RALGAPA1: variants seen among roughly 807,000 people sequenced by gnomAD.
RALGAPA1 encodes ral GTPase-activating protein subunit alpha-1.
A neutral mutation model predicts 269.6 loss-of-function variants in RALGAPA1; 52 were observed. That is an observed-to-expected ratio of 0.19 (90% CI 0.15 to 0.24). The LOEUF is 0.24. Ranked by LOEUF, RALGAPA1 falls within the 10% of genes least tolerant of loss-of-function variation. The pLI, the probability that RALGAPA1 is intolerant of heterozygous loss-of-function variation, is 1.00. For synonymous variants in RALGAPA1, 817 were observed against 1,008.3 expected, an observed-to-expected ratio of 0.81 and a Z score of 3.60; for missense variants, 1,917 against 3,013.9, an observed-to-expected ratio of 0.64 and a Z score of 8.52.
chr14:35,686,495 T>C (rs571874655), intron 19 of RALGAPA1, 47 bp downstream of exon 19: 3 of 1,525,578 alleles, frequency 2.0e-6, no homozygotes, highest in African/African-American at 1.4e-5. Flanking sequence ...TATCTGTTAG[T>C]TTTTCTACCC....
chr14:35,767,596 G>A (rs1012811270), intron 4 of RALGAPA1, among the ~76,000 whole-genome samples: 1 of 152,112 alleles, frequency 6.6e-6, no homozygotes. Context: ...GCTGAGGCAG[G>A]AGAATTGCTT....
chr14:35,738,362 TA>T, intron 12 of RALGAPA1, 150 bp downstream of exon 12: 1 of 405,764 alleles, frequency 2.5e-6, no homozygotes, highest in Non-Finnish European at 4.2e-6. Context: ...ATATATATAT[TA>T]AGTGATGAAA....
intron 1 of RALGAPA1, among the ~76,000 whole-genome samples, chr14:35,801,510 C>G (rs2076978507): frequency 1.3e-5 from 2 of 152,158 alleles, no homozygotes; most frequent in Non-Finnish European, 2.9e-5. Flanking sequence ...TCTAGTGATC[C>G]ACCCGCCTTG....
chr14:35,731,292 G>T (rs1223256087), intron 12 of RALGAPA1, among the ~76,000 whole-genome samples: 1 of 152,130 alleles, frequency 6.6e-6, no homozygotes, highest in Non-Finnish European at 1.5e-5. Context: ...GAAGGAACCA[G>T]AAAACCAACT....
At position 35,748,766 on chromosome 14, in the gene RALGAPA1, G is replaced by C. The variant is rs755230614; in HGVS notation, c.1070C>G (p.Thr357Arg). Residue 357 changes from threonine to arginine, a missense_variant, in exon 10 of 42, where the codon ACA (threonine) becomes AGA (arginine). This residue lies in a region of RALGAPA1 where 462 missense variants were observed against 725.6 expected (regional missense o/e 0.64). Coordinates refer to ENST00000680220, the MANE Select transcript of RALGAPA1 (RefSeq NM_001346249.2). ...EESKNDNADK[T>R]DRTTEPEQSH... ...CTGTTCGGGTTCTGTAGTTCTGTCT[G>C]TTTTATCAGCATTATCATTTTTGCT... 1.1e-5 allele frequency: 17 copies of C among 1,600,446 alleles called. No homozygotes were observed. Among genetic ancestry groups the C allele is most frequent in the Non-Finnish European group, 1.4e-5 (16 of 1,175,376 alleles).
intron 21 of RALGAPA1, among the ~76,000 whole-genome samples, chr14:35,680,906 G>A (rs1271723282): frequency 2.6e-5 from 4 of 152,188 alleles, no homozygotes; most frequent in African/African-American, 4.8e-5. Context: ...GAGCCACCAC[G>A]CCCGGCCTAT....
intron 7 of RALGAPA1, among the ~76,000 whole-genome samples, chr14:35,753,109 A>C (rs573398668): frequency 6.6e-6 from 1 of 152,194 alleles, no homozygotes; most frequent in Non-Finnish European, 1.5e-5. Flanking sequence ...AGAGTGGACA[A>C]GGAAGGTACG....
chr14:35,714,095 A>G, intron 16 of RALGAPA1, among the ~76,000 whole-genome samples: 1 of 143,430 alleles, frequency 7.0e-6, no homozygotes. Flanking sequence ...ACTCCGTCTA[A>G]AAAAAAAAAA....
intron 39 of RALGAPA1, among the ~76,000 whole-genome samples, chr14:35,570,149 A>T (rs1362067673): frequency 6.6e-6 from 1 of 152,060 alleles, no homozygotes; most frequent in Non-Finnish European, 1.5e-5. Flanking sequence ...GGATGCCTGT[A>T]ATCCCAGCTA....
In RALGAPA1 at chr14:35,728,550, T is replaced by C. The variant is rs754674871; in HGVS notation, c.1588-40A>G. The C allele has an allele frequency of 3.9e-6, 6 of 1,537,272 alleles. No homozygotes were observed. In the African/African-American group the frequency reaches 8.3e-5, roughly 21 times the overall value. ...ATCATTAGCTATTCACAAAGGAATTTCAATGGCAAATTTCTTATTCAAAGA... is the reference window on the plus strand; with the variant it reads ...ATCATTAGCTATTCACAAAGGAATTCCAATGGCAAATTTCTTATTCAAAGA... On this transcript the variant is annotated intron_variant, in intron 12 of 41. Coordinates refer to ENST00000680220, the MANE Select transcript of RALGAPA1 (RefSeq NM_001346249.2).
intron 33 of RALGAPA1, among the ~76,000 whole-genome samples, chr14:35,631,330 A>G (rs2061348135): frequency 6.6e-6 from 1 of 152,178 alleles, no homozygotes; most frequent in Non-Finnish European, 1.5e-5. Context: ...TGAGATATGG[A>G]AACAATGAAT....
At chr14:35,605,513 T>C in intron 36 of RALGAPA1, 73 bp downstream of exon 36, 1 of 1,433,388 alleles carries the variant, frequency 7.0e-7, no homozygotes, top group African/African-American at 1.5e-5. Flanking sequence ...ACTTCTATAA[T>C]AAGCTAGGAA....
intron 5 of RALGAPA1, among the ~76,000 whole-genome samples, chr14:35,761,226 C>T (rs948980307): frequency 7.2e-5 from 11 of 152,082 alleles, no homozygotes; most frequent in Admixed American, 7.2e-4. Flanking sequence ...TGAACTTGTT[C>T]TCTATTTAAA....
At chr14:35,765,229 A>G (rs2074047394) in intron 4 of RALGAPA1, among the ~76,000 whole-genome samples, 1 of 152,162 alleles carries the variant, frequency 6.6e-6, no homozygotes, top group Admixed American at 6.5e-5. Flanking sequence ...TTGTTAGTAT[A>G]ACTTTATAAT....
At position 35,658,155 on chromosome 14, in the gene RALGAPA1, C is replaced by T. The variant is rs138102533; in HGVS notation, c.5387+983G>A. ...GAGAATTAAATGAAACAATATTATA[C>T]GAAAATCCTTGTAAACTTAATTGGG... On this transcript the variant is annotated intron_variant, in intron 28 of 41. Transcript: ENST00000680220. Among the ~76,000 whole-genome samples the T allele has an allele frequency of 4.2e-4, 64 of 152,140 alleles. 2 individuals are homozygous for T. In the South Asian group the frequency reaches 0.011, roughly 26 times the overall value.
intron 1 of RALGAPA1, among the ~76,000 whole-genome samples, chr14:35,781,191 C>T (rs2075400132): frequency 6.6e-6 from 1 of 151,994 alleles, no homozygotes; most frequent in Non-Finnish European, 1.5e-5. Flanking sequence ...ACTACTAACC[C>T]TACAGAAATA....
At chr14:35,559,903 A>G (rs1407003285) in intron 39 of RALGAPA1, among the ~76,000 whole-genome samples, 1 of 152,208 alleles carries the variant, frequency 6.6e-6, no homozygotes, top group African/African-American at 2.4e-5. Flanking sequence ...TCATGAGTCT[A>G]TCATAAGAAA....
intron 4 of RALGAPA1, among the ~76,000 whole-genome samples, chr14:35,765,476 T>C (rs564429591): frequency 2.0e-5 from 3 of 152,166 alleles, no homozygotes; most frequent in African/African-American, 7.2e-5. Flanking sequence ...AAATATTGTG[T>C]GATATTGATA....
At chr14:35,718,288 G>A (rs766032026) in intron 16 of RALGAPA1, among the ~76,000 whole-genome samples, 16 of 152,160 alleles carry the variant, frequency 1.1e-4, no homozygotes, top group African/African-American at 1.9e-4. Flanking sequence ...ATTCCATAGT[G>A]AGTACTTAAA....
Sources: gnomAD v4.1 joint callset for allele counts (sites outside exome capture counted in the v4.1 genomes callset) on GRCh38, gnomAD v4.1.1 for gene constraint, gnomAD v4.1.1 regional missense constraint, MANE v1.5 for transcripts, NCBI Gene and HGNC (gene_info 2026-07-23, HGNC 2026-07-21) for gene names.